The following UST variants were observed in gnomAD, a reference collection of about 807,000 sequenced individuals.
UST encodes uronyl 2-sulfotransferase.
A neutral mutation model predicts 45.6 loss-of-function variants in UST; 21 were observed. The observed-to-expected ratio is 0.46, with a 90% CI of 0.33 to 0.66. UST has a LOEUF of 0.66. UST is among the 30% of genes least tolerant of loss of function. UST has a pLI of 0.02. For synonymous variants in UST, 215 were observed against 200.6 expected, an observed-to-expected ratio of 1.07 and a Z score of -0.61; for missense variants, 463 against 512.4, an observed-to-expected ratio of 0.90 and a Z score of 0.93.
chr6:148,841,496 T>A (rs939388946), intron 1 of UST, among the ~76,000 whole-genome samples: 2 of 152,214 alleles, frequency 1.3e-5, no homozygotes, highest in Non-Finnish European at 2.9e-5. Flanking sequence ...TAATTACTAT[T>A]TGATAATTAC....
At chr6:148,781,684 C>T (rs1295475306) in intron 1 of UST, among the ~76,000 whole-genome samples, 3 of 152,150 alleles carry the variant, frequency 2.0e-5, no homozygotes, top group Admixed American at 1.3e-4. Context: ...GAGGAGAACC[C>T]GGTACCTGGC....
chr6:148,772,162 T>A (rs1468016529), intron 1 of UST, among the ~76,000 whole-genome samples: 1 of 152,180 alleles, frequency 6.6e-6, no homozygotes, highest in Non-Finnish European at 1.5e-5. Flanking sequence ...TTTTATGTGT[T>A]TAGAAAGGAG....
At chr6:148,789,426 A>ATCTCTCTCTCTCTC (rs751939500) in intron 1 of UST, among the ~76,000 whole-genome samples, 21 of 143,624 alleles carry the variant, frequency 1.5e-4, no homozygotes, top group African/African-American at 5.4e-4. Context: ...TCTTGTGCAG[A>ATCTCTCTCTCTCTC]TCTCTCTCTC....
chr6:148,805,425 A>T (rs565642368), intron 1 of UST, among the ~76,000 whole-genome samples: 1 of 152,316 alleles, frequency 6.6e-6, no homozygotes, highest in African/African-American at 2.4e-5. Context: ...TTGGAAAATT[A>T]GTGGAAGTTT....
chr6:148,790,988 G>A lies in UST; in HGVS notation c.247+43311G>A, dbSNP rs180814497. On this transcript the variant is annotated intron_variant, in intron 1 of 7. Coordinates refer to ENST00000367463, the MANE Select transcript of UST (RefSeq NM_005715.3). The surrounding 1 kb of genome is among the most constrained non-coding windows in gnomAD (Gnocchi z 4.2). ...AAGGTGCACGCGTTAGTGAAACCTCGCAACACATCAGTGACCAGGGTTACA... is the reference window on the plus strand; with the variant it reads ...AAGGTGCACGCGTTAGTGAAACCTCACAACACATCAGTGACCAGGGTTACA... 1.3e-5 allele frequency among the ~76,000 whole-genome samples: 2 copies of A among 152,308 alleles called. No homozygotes were observed. The highest frequency in any genetic ancestry group is 3.9e-4 in the East Asian group (2 of 5,182).
At chr6:148,786,471 AAG>A (rs1776737894) in intron 1 of UST, among the ~76,000 whole-genome samples, 1 of 152,100 alleles carries the variant, frequency 6.6e-6, no homozygotes, top group African/African-American at 2.4e-5. Context: ...TCTCACTTAT[AAG>A]AGAGAACATG....
chr6:148,774,950 G>T (rs1421805344), intron 1 of UST, among the ~76,000 whole-genome samples: 1 of 152,094 alleles, frequency 6.6e-6, no homozygotes, highest in Admixed American at 6.6e-5. Context: ...CCTGGGATGC[G>T]GGGGTTGCAG....
At chr6:149,015,968 C>A (rs1477848486) in intron 5 of UST, among the ~76,000 whole-genome samples, 1 of 152,146 alleles carries the variant, frequency 6.6e-6, no homozygotes, top group Non-Finnish European at 1.5e-5. Context: ...TCCTGCAGGC[C>A]CCTGGTCCTC....
At chr6:148,832,249 C>A (rs1404720964) in intron 1 of UST, among the ~76,000 whole-genome samples, 2 of 152,140 alleles carry the variant, frequency 1.3e-5, no homozygotes, top group Non-Finnish European at 2.9e-5. Flanking sequence ...CCTCGGCCTC[C>A]CAAAAGAATA....
At chr6:148,994,309 C>G (rs1419022076) in intron 5 of UST, among the ~76,000 whole-genome samples, 1 of 151,928 alleles carries the variant, frequency 6.6e-6, no homozygotes, top group East Asian at 1.9e-4. Context: ...GGCTAGTAAA[C>G]AACCCCATAG....
chr6:149,033,507 A>T (rs1412506732), intron 7 of UST, among the ~76,000 whole-genome samples: 1 of 152,378 alleles, frequency 6.6e-6, no homozygotes, highest in South Asian at 2.1e-4. Flanking sequence ...CTAGAAATAT[A>T]CCTGTGTATA....
intron 1 of UST, among the ~76,000 whole-genome samples, chr6:148,871,161 T>C (rs1237400864): frequency 5.6e-5 from 8 of 144,002 alleles, no homozygotes; most frequent in Non-Finnish European, 1.2e-4. Flanking sequence ...TCTCCCTCTC[T>C]CTCTCTGTCC....
intron 7 of UST, among the ~76,000 whole-genome samples, chr6:149,065,177 A>G (rs12197040): frequency 0.29 from 43,809 of 152,056 alleles, 6,994 homozygotes; most frequent in Non-Finnish European, 0.36. Context: ...AATGCTACTA[A>G]TAAGTATAGA....
chr6:148,901,318 G>T (rs936970383), intron 2 of UST, among the ~76,000 whole-genome samples: 1 of 152,170 alleles, frequency 6.6e-6, no homozygotes. Flanking sequence ...ATCAAGATAG[G>T]TTAGGGTGAT....
intron 1 of UST, among the ~76,000 whole-genome samples, chr6:148,794,744 T>C (rs1487230893): frequency 6.6e-6 from 1 of 152,198 alleles, no homozygotes; most frequent in African/African-American, 2.4e-5. Flanking sequence ...GAACATTGGA[T>C]GATCCAACAA....
At chr6:149,045,025 A>G (rs1776378426) in intron 7 of UST, among the ~76,000 whole-genome samples, 3 of 152,230 alleles carry the variant, frequency 2.0e-5, no homozygotes, top group Admixed American at 1.3e-4. Context: ...CTGTAAGTTG[A>G]TAAGTACCAT....
intron 5 of UST, among the ~76,000 whole-genome samples, chr6:149,009,120 A>G (rs1272450613): frequency 6.6e-6 from 1 of 152,364 alleles, no homozygotes; most frequent in East Asian, 1.9e-4. Context: ...GAGATTGGAG[A>G]AAATGTTGCA....
At chr6:149,017,801 C>T (rs12055524) in intron 5 of UST, among the ~76,000 whole-genome samples, 2,340 of 19,616 alleles carry the variant, frequency 0.12, 71 homozygotes, top group African/African-American at 0.38. Flanking sequence ...TCCATATATA[C>T]ACACACACAC....
At chr6:148,807,748 G>T (rs1452386896) in intron 1 of UST, among the ~76,000 whole-genome samples, 1 of 152,126 alleles carries the variant, frequency 6.6e-6, no homozygotes, top group Non-Finnish European at 1.5e-5. Flanking sequence ...TCATGATAGG[G>T]TGGCCTGTAA....
Sources: gnomAD v4.1 joint callset for allele counts (sites outside exome capture counted in the v4.1 genomes callset) on GRCh38, gnomAD v4.1.1 for gene constraint, Gnocchi (gnomAD v3.1) non-coding constraint, MANE v1.5 for transcripts, NCBI Gene and HGNC (gene_info 2026-07-23, HGNC 2026-07-21) for gene names.